Variants in RBFOX1 observed in about 807,000 individuals in gnomAD.
The protein encoded by RBFOX1 is RNA binding fox-1 homolog 1, also known as RNA binding protein fox-1 homolog 1.
Under a neutral mutation model 57.7 loss-of-function variants are expected in RBFOX1, and 8 were observed. The observed-to-expected ratio is 0.14, with a 90% CI of 0.08 to 0.25. The LOEUF (loss-of-function observed/expected upper bound fraction) is 0.25, where lower values mean the gene tolerates loss of function less well. Ranked by LOEUF, RBFOX1 falls within the 10% of genes least tolerant of loss-of-function variation. The pLI is 1.00. For missense variants in RBFOX1, 611 were observed against 548.5 expected, an observed-to-expected ratio of 1.11 and a Z score of -1.14; for synonymous variants, 326 against 222.4, an observed-to-expected ratio of 1.47 and a Z score of -4.15.
chr16:5,252,329 T>TG (rs1163896984), intron 1 of RBFOX1, among the ~76,000 whole-genome samples: 2 of 152,198 alleles, frequency 1.3e-5, no homozygotes, highest in Non-Finnish European at 2.9e-5. Context: ...ACCATTTCTT[T>TG]GGGGGGCAAG....
intron 4 of RBFOX1, among the ~76,000 whole-genome samples, chr16:7,376,279 C>A (rs981172152): frequency 6.6e-6 from 1 of 152,244 alleles, no homozygotes; most frequent in East Asian, 1.9e-4. Context: ...GCTCTTAATT[C>A]GATTCTATTA....
At chr16:6,383,194 G>A (rs1416171424) in intron 2 of RBFOX1, among the ~76,000 whole-genome samples, 3 of 152,204 alleles carry the variant, frequency 2.0e-5, no homozygotes, top group African/African-American at 7.2e-5. Context: ...CTTTCTTCTT[G>A]TTAAAGGAAG....
chr16:5,950,514 C>T (rs2059497884), intron 4 of RBFOX1, among the ~76,000 whole-genome samples: 1 of 152,184 alleles, frequency 6.6e-6, no homozygotes, highest in Non-Finnish European at 1.5e-5. Context: ...TCCCTCCACT[C>T]CCCATTCTTG....
intron 3 of RBFOX1, among the ~76,000 whole-genome samples, chr16:5,617,785 A>G (rs1267189149): frequency 6.6e-6 from 1 of 152,226 alleles, no homozygotes; most frequent in Non-Finnish European, 1.5e-5. Context: ...GATTTGTTGC[A>G]GAGCCCAGGT....
intron 3 of RBFOX1, among the ~76,000 whole-genome samples, chr16:5,702,373 A>G (rs1596835198): frequency 6.6e-6 from 1 of 152,296 alleles, no homozygotes; most frequent in Non-Finnish European, 1.5e-5. Flanking sequence ...ACAGCAAGGG[A>G]GAAATTCACC....
intron 3 of RBFOX1, among the ~76,000 whole-genome samples, chr16:5,812,772 C>G (rs539597993): frequency 6.6e-6 from 1 of 152,110 alleles, no homozygotes; most frequent in Non-Finnish European, 1.5e-5. Flanking sequence ...GCCCAGTCTT[C>G]TAAATGTTAG....
chr16:6,277,268 C>G (rs775646130), intron 1 of RBFOX1, among the ~76,000 whole-genome samples: 1 of 151,904 alleles, frequency 6.6e-6, no homozygotes, highest in Non-Finnish European at 1.5e-5. Flanking sequence ...TGAGACCAGC[C>G]TGGGCAACAT....
intron 4 of RBFOX1, among the ~76,000 whole-genome samples, chr16:5,903,973 G>A (rs553580138): frequency 3.3e-5 from 5 of 152,226 alleles, no homozygotes; most frequent in East Asian, 1.9e-4. Context: ...TGTCACCTTC[G>A]GGCAAAATAT....
intron 2 of RBFOX1, among the ~76,000 whole-genome samples, chr16:5,558,928 A>G (rs2045782593): frequency 6.6e-6 from 1 of 152,134 alleles, no homozygotes; most frequent in African/African-American, 2.4e-5. Context: ...TAGATATGGA[A>G]TCCACAAGCC....
intron 3 of RBFOX1, among the ~76,000 whole-genome samples, chr16:6,945,467 T>G (rs1010780679): frequency 8.4e-6 from 1 of 118,510 alleles, no homozygotes; most frequent in African/African-American, 3.8e-5. Flanking sequence ...TATGGATATT[T>G]TGATTTTTTT....
chr16:6,357,861 G>C (rs1000767288), intron 2 of RBFOX1, among the ~76,000 whole-genome samples: 7 of 151,556 alleles, frequency 4.6e-5, no homozygotes, highest in Non-Finnish European at 7.4e-5. Context: ...TGAGGTAGGA[G>C]AATTGCTTGA....
At chr16:6,926,168 A>G (rs187740005) in intron 3 of RBFOX1, among the ~76,000 whole-genome samples, 2 of 152,070 alleles carry the variant, frequency 1.3e-5, no homozygotes, top group Non-Finnish European at 2.9e-5. Context: ...CTAGCTGGGC[A>G]TGGTGGTGTG....
intron 1 of RBFOX1, among the ~76,000 whole-genome samples, chr16:6,223,263 G>A (rs940603636): frequency 2.6e-5 from 4 of 151,234 alleles, no homozygotes; most frequent in Non-Finnish European, 5.9e-5. Flanking sequence ...CTAGATCCCT[G>A]AGGAATCGCC....
chr16:7,038,553 A>C (rs1316819686), intron 3 of RBFOX1, among the ~76,000 whole-genome samples: 1 of 152,154 alleles, frequency 6.6e-6, no homozygotes, highest in South Asian at 2.1e-4. Context: ...ATGCCAAGAC[A>C]TTTCGTGGTT....
At chr16:6,040,265 A>G (rs565506492) in intron 1 of RBFOX1, among the ~76,000 whole-genome samples, 162 of 152,338 alleles carry the variant, frequency 1.1e-3, no homozygotes, top group Admixed American at 2.5e-3. Flanking sequence ...CATTGAATAC[A>G]TTCATATTGT....
intron 4 of RBFOX1, among the ~76,000 whole-genome samples, chr16:7,485,258 C>A (rs11077190): frequency 0.76 from 115,130 of 152,080 alleles, 43,975 homozygotes; most frequent in African/African-American, 0.78. Flanking sequence ...ACAGCTGCAC[C>A]CTCGCGTGTT....
At chr16:7,374,927 G>A (rs532657671) in intron 4 of RBFOX1, among the ~76,000 whole-genome samples, 6 of 152,238 alleles carry the variant, frequency 3.9e-5, no homozygotes, top group Non-Finnish European at 5.9e-5. Context: ...CAAGACCTCT[G>A]CACTTACAAA....
chr16:5,477,434 C>T (rs2069367798), intron 2 of RBFOX1, among the ~76,000 whole-genome samples: 1 of 152,156 alleles, frequency 6.6e-6, no homozygotes, highest in Admixed American at 6.5e-5. Flanking sequence ...ATGCTCAGCC[C>T]CTCCTGGGGA....
At chr16:5,797,480 G>C (rs2054917358) in intron 3 of RBFOX1, among the ~76,000 whole-genome samples, 1 of 152,204 alleles carries the variant, frequency 6.6e-6, no homozygotes, top group Non-Finnish European at 1.5e-5. Flanking sequence ...CTGGCTTCCA[G>C]ACCCTTAGAC....
Sources: allele counts gnomAD v4.1 joint callset (sites outside exome capture counted in the v4.1 genomes callset), GRCh38; gene constraint gnomAD v4.1.1; transcripts MANE v1.5; gene names NCBI Gene and HGNC (gene_info 2026-07-23, HGNC 2026-07-21).